LDB2: variants seen among roughly 807,000 people sequenced by gnomAD.
The protein encoded by LDB2 is LIM domain binding 2, also known as LIM domain-binding protein 2.
LDB2 carries 12 observed loss-of-function variants against 44.3 expected under a neutral mutation model. The ratio of observed to expected loss-of-function variants is 0.27; its 90% CI spans 0.17 to 0.44. The LOEUF is 0.44. Among genes scored for constraint, LDB2 ranks in the 20% least tolerant of loss-of-function variants. LDB2 has a pLI of 1.00. For missense variants in LDB2, 344 were observed against 473.5 expected (o/e 0.73, Z 2.54); for synonymous variants, 164 against 174.8 (o/e 0.94, Z 0.49).
chr4:16,721,518 T>C (rs1758274789), intron 2 of LDB2, among the ~76,000 whole-genome samples: 1 of 152,162 alleles, frequency 6.6e-6, no homozygotes, highest in African/African-American at 2.4e-5. Flanking sequence ...AAAATTAGCA[T>C]CATTTTTTTA....
intron 2 of LDB2, among the ~76,000 whole-genome samples, chr4:16,702,227 A>G (rs1753605947): frequency 6.6e-6 from 1 of 152,218 alleles, no homozygotes; most frequent in Admixed American, 6.5e-5. Flanking sequence ...GAAATATCCA[A>G]TGCTTTGAGT....
intron 1 of LDB2, among the ~76,000 whole-genome samples, chr4:16,859,410 C>T (rs570491324): frequency 4.6e-5 from 7 of 152,278 alleles, no homozygotes; most frequent in East Asian, 3.9e-4. Context: ...GCTATTAAAC[C>T]GCATTTTGAA....
intron 2 of LDB2, among the ~76,000 whole-genome samples, chr4:16,680,685 G>C (rs1298618090): frequency 6.6e-6 from 1 of 152,142 alleles, no homozygotes; most frequent in Non-Finnish European, 1.5e-5. Flanking sequence ...CAACTCCAAA[G>C]CCACGCTCAT....
chr4:16,623,241 A>C (rs1305980137), intron 2 of LDB2, among the ~76,000 whole-genome samples: 1 of 152,234 alleles, frequency 6.6e-6, no homozygotes, highest in Non-Finnish European at 1.5e-5. Flanking sequence ...TACAGTAAAC[A>C]AAAAAGACAA....
chr4:16,775,956 G>A (rs1476577042), intron 1 of LDB2, among the ~76,000 whole-genome samples: 1 of 152,208 alleles, frequency 6.6e-6, no homozygotes, highest in Non-Finnish European at 1.5e-5. Flanking sequence ...ATCTCAGAAA[G>A]CTCTCCATTT....
intron 1 of LDB2, among the ~76,000 whole-genome samples, chr4:16,792,743 A>G (rs1776029223): frequency 6.6e-6 from 1 of 152,216 alleles, no homozygotes; most frequent in African/African-American, 2.4e-5. Context: ...CTGCAGTTAA[A>G]CAGTCCTTTT....
intron 2 of LDB2, among the ~76,000 whole-genome samples, chr4:16,615,069 CAAAAAAAAAA>C (rs71649971): frequency 8.5e-5 from 4 of 47,328 alleles, no homozygotes; most frequent in South Asian, 8.7e-4. Flanking sequence ...GACTCCGTCT[CAAAAAAAAAA>C]AAAAAAAAAA....
At chr4:16,897,801 G>T (rs1441701299) in intron 1 of LDB2, among the ~76,000 whole-genome samples, 1 of 150,810 alleles carries the variant, frequency 6.6e-6, no homozygotes. Context: ...AAGTAGGCAG[G>T]TTTACTCTTC....
At chr4:16,850,231 T>C (rs1352588414) in intron 1 of LDB2, among the ~76,000 whole-genome samples, 2 of 152,088 alleles carry the variant, frequency 1.3e-5, no homozygotes, top group Non-Finnish European at 2.9e-5. Context: ...TGGACACATC[T>C]AGCCAGAGAA....
intron 1 of LDB2, among the ~76,000 whole-genome samples, chr4:16,856,351 C>A (rs1580261729): frequency 6.6e-6 from 1 of 152,030 alleles, no homozygotes; most frequent in Admixed American, 6.6e-5. Flanking sequence ...TTAATAATAT[C>A]AAGTGTTAGC....
At chr4:16,842,629 T>TGTG (rs1379882989) in intron 1 of LDB2, among the ~76,000 whole-genome samples, 1 of 152,232 alleles carries the variant, frequency 6.6e-6, no homozygotes, top group Non-Finnish European at 1.5e-5. Context: ...CATCATCATA[T>TGTG]GTGCTTCATT....
chr4:16,844,069 A>G (rs1465929372), intron 1 of LDB2, among the ~76,000 whole-genome samples: 3 of 146,152 alleles, frequency 2.1e-5, no homozygotes, highest in African/African-American at 7.6e-5. Context: ...TCTGGGCAAC[A>G]TAGCAAGACC....
At chr4:16,842,217 C>G (rs1786024622) in intron 1 of LDB2, among the ~76,000 whole-genome samples, 1 of 152,080 alleles carries the variant, frequency 6.6e-6, no homozygotes, top group Non-Finnish European at 1.5e-5. Flanking sequence ...GAATTTAAAC[C>G]TTTGGCTGCT....
chr4:16,604,419 C>A (rs573112790), intron 2 of LDB2, among the ~76,000 whole-genome samples: 15 of 151,240 alleles, frequency 9.9e-5, no homozygotes, highest in Non-Finnish European at 1.3e-4. Flanking sequence ...TATATAGATT[C>A]TCCTTTCCTA....
intron 5 of LDB2, among the ~76,000 whole-genome samples, chr4:16,522,116 G>A (rs1332140957): frequency 6.7e-6 from 1 of 150,296 alleles, no homozygotes; most frequent in African/African-American, 2.4e-5. Flanking sequence ...TTTATTTGAG[G>A]TATTTACCTA....
At chr4:16,807,726 G>A (rs1260900057) in intron 1 of LDB2, among the ~76,000 whole-genome samples, 1 of 152,182 alleles carries the variant, frequency 6.6e-6, no homozygotes, top group Non-Finnish European at 1.5e-5. Flanking sequence ...ATATGGAGAA[G>A]CTGTGATGGC....
intron 1 of LDB2, among the ~76,000 whole-genome samples, chr4:16,836,152 T>C (rs996142801): frequency 3.3e-5 from 5 of 152,270 alleles, no homozygotes; most frequent in Non-Finnish European, 5.9e-5. Flanking sequence ...AATGACTGTA[T>C]GTATAAGTGT....
At chr4:16,707,366 G>GA (rs1754834341) in intron 2 of LDB2, among the ~76,000 whole-genome samples, 1 of 152,052 alleles carries the variant, frequency 6.6e-6, no homozygotes. Flanking sequence ...ATTAAAGGAA[G>GA]AAAAACCCCT....
At chr4:16,797,843 T>C (rs928074563) in intron 1 of LDB2, among the ~76,000 whole-genome samples, 1 of 151,904 alleles carries the variant, frequency 6.6e-6, no homozygotes, top group Non-Finnish European at 1.5e-5. Flanking sequence ...GAGACCAGCC[T>C]GGCCAACATG....
Sources: allele counts gnomAD v4.1 joint callset (sites outside exome capture counted in the v4.1 genomes callset), GRCh38; gene constraint gnomAD v4.1.1; transcripts MANE v1.5; gene names NCBI Gene and HGNC (gene_info 2026-07-23, HGNC 2026-07-21).